Variants in CYLC1 observed in about 807,000 individuals in gnomAD.
CYLC1 encodes the protein cylicin 1.
CYLC1 carries 2 observed loss-of-function variants against 31.6 expected under a neutral mutation model. The observed-to-expected ratio is 0.06, with a 90% CI of 0.03 to 0.20. CYLC1 has a LOEUF of 0.20. Ranked by LOEUF, CYLC1 falls within the 10% of genes least tolerant of loss-of-function variation. CYLC1 has a pLI of 1.00. For synonymous variants in CYLC1, 185 were observed against 153.0 expected, an observed-to-expected ratio of 1.21 and a Z score of -1.54; for missense variants, 595 against 424.1, an observed-to-expected ratio of 1.40 and a Z score of -3.54.
chrX:83,878,877 T>C (rs2031869842), intron 4 of CYLC1, among the ~76,000 whole-genome samples: 1 of 105,994 alleles, frequency 9.4e-6, no homozygotes, highest in Non-Finnish European at 1.9e-5. Flanking sequence ...TAATATGGGC[T>C]TGAAGAATGA....
chrX:83,871,681 T>C (rs746789514), intron 3 of CYLC1, 111 bp downstream of exon 3: 1 of 740,513 alleles, frequency 1.4e-6, no homozygotes, highest in South Asian at 3.2e-5. Flanking sequence ...GAAGATATTT[T>C]TAAATTTGTA....
At chrX:83,877,968 AT>A (rs1183460981) in intron 4 of CYLC1, among the ~76,000 whole-genome samples, 4 of 75,270 alleles carry the variant, frequency 5.3e-5, no homozygotes, top group African/African-American at 2.0e-4. Context: ...AAATATATAT[AT>A]TTGTATATAA....
At chrX:83,866,936 C>A (rs1235214440) in intron 1 of CYLC1, among the ~76,000 whole-genome samples, 1 of 111,356 alleles carries the variant, frequency 9.0e-6, no homozygotes, top group Admixed American at 9.6e-5. Flanking sequence ...TTACTATAGG[C>A]AGCAAGAAGA....
intron 4 of CYLC1, among the ~76,000 whole-genome samples, chrX:83,877,704 A>C (rs1211877458): frequency 9.6e-6 from 1 of 103,967 alleles, no homozygotes; most frequent in East Asian, 3.0e-4. Flanking sequence ...ACCTTACTTT[A>C]TGTTACCCTC....
At chrX:83,872,601 A>G (rs1429369384) in intron 3 of CYLC1, among the ~76,000 whole-genome samples, 1 of 109,377 alleles carries the variant, frequency 9.1e-6, no homozygotes, top group Non-Finnish European at 1.9e-5. Context: ...CTGGAATGTC[A>G]TGAGTCACTG....
chrX:83,862,417 C>T (rs1315781870), intron 1 of CYLC1, among the ~76,000 whole-genome samples: 1 of 108,961 alleles, frequency 9.2e-6, no homozygotes, highest in Non-Finnish European at 1.9e-5. Flanking sequence ...GTGGCAGGCG[C>T]CTGTAGTCCC....
intron 4 of CYLC1, among the ~76,000 whole-genome samples, chrX:83,880,305 A>G (rs950452882): frequency 2.8e-4 from 31 of 111,981 alleles, no homozygotes; most frequent in African/African-American, 9.7e-4. Context: ...GTAGTTTTTA[A>G]CAGGGACTAA....
At position 83,873,952 on chromosome X, in the gene CYLC1, C is replaced by A; in HGVS notation, c.1244C>A (p.Ser415Ter). ...FSTDSESELE[S>*]KESQKDEKKD... ...ACTGATTCTGAATCTGAACTGGAGT[C>A]AAAGGAGAGTCAGAAAGATGAAAAA... Residue 415 changes from serine to a stop codon, truncating the protein, a stop_gained, in exon 4 of 5, where the codon TCA becomes TAA. Coordinates refer to ENST00000329312, the MANE Select transcript of CYLC1 (RefSeq NM_021118.3). LOFTEE classifies it high-confidence loss of function. 1 of 1,174,631 alleles carries A rather than the reference C, an allele frequency of 8.5e-7. No homozygotes were observed. Among genetic ancestry groups the A allele is most frequent in the African/African-American group, 1.8e-5 (1 of 54,744 alleles).
chrX:83,863,674 C>A (rs924494511), intron 1 of CYLC1, among the ~76,000 whole-genome samples: 1 of 111,520 alleles, frequency 9.0e-6, no homozygotes, highest in African/African-American at 3.3e-5. Context: ...GCCATTAATG[C>A]TACCTGGCAA....
chrX:83,862,569 A>C (rs940201061), intron 1 of CYLC1, among the ~76,000 whole-genome samples: 3 of 111,821 alleles, frequency 2.7e-5, no homozygotes, highest in African/African-American at 9.7e-5. Flanking sequence ...AAAGAAAAGA[A>C]AAAGAGTGAT....
intron 1 of CYLC1, among the ~76,000 whole-genome samples, chrX:83,866,824 C>A (rs1445923061): frequency 1.8e-5 from 2 of 111,372 alleles, no homozygotes; most frequent in Admixed American, 9.6e-5. Context: ...AATTTATCAT[C>A]TTTTAAAATC....
At chrX:83,865,026 T>A (rs138661340) in intron 1 of CYLC1, among the ~76,000 whole-genome samples, 4 of 111,381 alleles carry the variant, frequency 3.6e-5, no homozygotes, top group African/African-American at 9.8e-5. Context: ...ATCTAAATGC[T>A]GATGAATTCT....
Position 83,874,758 on chromosome X carries a change from C to A in CYLC1, c.1923+127C>A. ...CTAGAATATTGACAACTTTGTGACTCGAAGGTAAGAAAAATAAAGAATACC... is the reference window on the plus strand; with the variant it reads ...CTAGAATATTGACAACTTTGTGACTAGAAGGTAAGAAAAATAAAGAATACC... On this transcript the variant is annotated intron_variant, in intron 4 of 4. Transcript: ENST00000329312. 9.6e-6 allele frequency: 7 copies of A among 732,444 alleles called. No homozygotes were observed. The South Asian group carries it at 1.4e-4, about 14-fold the overall frequency. 60.4% of individuals were successfully genotyped at this position (732,444 alleles called of 1,213,427 possible).
intron 1 of CYLC1, among the ~76,000 whole-genome samples, chrX:83,865,465 T>A (rs942728233): frequency 4.5e-5 from 5 of 111,968 alleles, no homozygotes; most frequent in African/African-American, 6.5e-5. Context: ...AAAACCTCTG[T>A]GCATGTTACC....
intron 4 of CYLC1, among the ~76,000 whole-genome samples, chrX:83,877,914 A>T (rs865787924): frequency 3.1e-5 from 2 of 64,392 alleles, no homozygotes; most frequent in Non-Finnish European, 5.4e-5. Context: ...ATATAAATAT[A>T]TATATATATA....
chrX:83,877,907 T>C (rs1465413207), intron 4 of CYLC1, among the ~76,000 whole-genome samples: 6 of 21,254 alleles, frequency 2.8e-4, no homozygotes, highest in African/African-American at 6.2e-4. Flanking sequence ...CAAATATATA[T>C]AAATATATAT....
At chrX:83,878,066 A>T in intron 4 of CYLC1, among the ~76,000 whole-genome samples, 1 of 61,614 alleles carries the variant, frequency 1.6e-5, no homozygotes, top group African/African-American at 6.6e-5. Context: ...TTGTATATAA[A>T]TATATATATA....
In CYLC1 at chrX:83,873,099, T is replaced by C. The variant is rs2031696473; in HGVS notation, c.391T>C (p.Ser131Pro). 1 of 1,192,604 alleles carries C rather than the reference T, an allele frequency of 8.4e-7. No homozygotes were observed. Among genetic ancestry groups the C allele is most frequent in the East Asian group, 3.0e-5 (1 of 33,568 alleles). The stretch of plus-strand genomic sequence containing the variant: ...AGGAGGAACACCTTTGAAGAAAGAT[T>C]CCAAGAAAAAAGGAGGTTCATATGC... ...EKGGTPLKKD[S>P]KKKGGSYATN... The change falls in exon 4 of 5, where the codon TCC (serine) becomes CCC (proline). Residue 131 changes from serine (S) to proline (P), a missense_variant. Coordinates refer to ENST00000329312, the MANE Select transcript of CYLC1 (RefSeq NM_021118.3).
chrX:83,871,372 T>C, intron 2 of CYLC1, 80 bp from the exon 3 acceptor site: 1 of 660,307 alleles, frequency 1.5e-6, no homozygotes, highest in Non-Finnish European at 2.3e-6. Context: ...TTAAATAATA[T>C]GTTTCTTACT....
Sources: allele counts gnomAD v4.1 joint callset (sites outside exome capture counted in the v4.1 genomes callset), GRCh38; gene constraint gnomAD v4.1.1; transcripts MANE v1.5; gene names NCBI Gene and HGNC (gene_info 2026-07-23, HGNC 2026-07-21).